Variants in SLC7A2 observed in about 807,000 individuals in gnomAD.
SLC7A2 encodes cationic amino acid transporter 2.
In SLC7A2, 48 loss-of-function variants were observed where a neutral mutation model predicts 58.9. That is an observed-to-expected ratio of 0.82 (90% CI 0.65 to 1.04). SLC7A2 has a LOEUF of 1.04. Among genes scored for constraint, SLC7A2 ranks in the 50% least tolerant of loss-of-function variants. SLC7A2 has a pLI of 0.00. For synonymous variants in SLC7A2, 363 were observed against 314.5 expected, an observed-to-expected ratio of 1.15 and a Z score of -1.63; for missense variants, 1,029 against 818.8, an observed-to-expected ratio of 1.26 and a Z score of -3.13.
At chr8:17,563,771 G>T (rs1585276681) in intron 12 of SLC7A2, 60 bp downstream of exon 12, 2 of 917,168 alleles carry the variant, frequency 2.2e-6, no homozygotes, top group Non-Finnish European at 1.8e-6. Flanking sequence ...AGAGAAACAT[G>T]CCCTCTCCCC....
intron 7 of SLC7A2, 134 bp from the exon 8 acceptor site, chr8:17,554,426 A>G: frequency 1.5e-6 from 1 of 670,760 alleles, no homozygotes; most frequent in South Asian, 4.9e-5. Flanking sequence ...ATAATGACAT[A>G]ATTATTAATA....
intron 2 of SLC7A2, among the ~76,000 whole-genome samples, chr8:17,515,932 AT>A (rs1046181183): frequency 3.3e-5 from 5 of 152,096 alleles, no homozygotes; most frequent in African/African-American, 1.2e-4. Flanking sequence ...GGAGATTTGC[AT>A]TTTATTGGAT....
In SLC7A2 at chr8:17,551,899, G is replaced by C. The variant is rs559533670; in HGVS notation, c.968G>C (p.Ser323Thr). ...MMPYYLLDEK[S>T]PLPVAFEYVG... Reference sequence around the variant, plus strand: ...CCGTACTACCTCCTCGATGAAAAAAGCCCCCTTCCTGTAGCGTTTGAATAT... The same window carrying C: ...CCGTACTACCTCCTCGATGAAAAAACCCCCCTTCCTGTAGCGTTTGAATAT... Residue 323 changes from serine to threonine, a missense_variant, in exon 7 of 13, where the codon AGC becomes ACC. Ser to Thr is a moderately conservative substitution (Grantham distance 58). Coordinates refer to ENST00000494857, the MANE Select transcript of SLC7A2 (RefSeq NM_001370338.1). 1 of 1,613,870 alleles carries C rather than the reference G, an allele frequency of 6.2e-7. No individual in the cohort carries two copies.
chr8:17,543,572 C>A lies in SLC7A2; in HGVS notation c.233C>A (p.Ala78Asp). The change falls in exon 3 of 13, where the codon GCT becomes GAT. Residue 78 changes from alanine (A) to aspartate (D), a missense_variant. Transcript: ENST00000494857. ...IVVSFLIAAL[A>D]SVMAGLCYAE... ...GTGTCCTTCCTCATTGCTGCCCTGGCTTCAGTGATGGCTGGCCTCTGCTAT... is the reference window on the plus strand; with the variant it reads ...GTGTCCTTCCTCATTGCTGCCCTGGATTCAGTGATGGCTGGCCTCTGCTAT... The A allele has an allele frequency of 6.2e-7, 1 of 1,611,162 alleles. No homozygotes were observed. The highest frequency in any genetic ancestry group is 1.1e-5 in the South Asian group (1 of 90,540).
In SLC7A2 at chr8:17,544,520, T is replaced by C; in HGVS notation, c.446T>C (p.Phe149Ser). 2 of 1,614,048 alleles carry C rather than the reference T, an allele frequency of 1.2e-6. No homozygotes were observed. Among genetic ancestry groups the C allele is most frequent in the Middle Eastern group, 1.6e-4 (1 of 6,062 alleles). The change falls in exon 4 of 13, where the codon TTT becomes TCT. Residue 149 changes from phenylalanine (F) to serine (S), a missense_variant. Phe to Ser is a radical substitution (Grantham distance 155, BLOSUM62 -2). Transcript: ENST00000494857. ...CTTCTTAGCAAACAGATTGGTCAGT[T>C]TTTGAGGACATACTTCAGAATGAAT... Reference protein sequence around the residue: ...DELLSKQIGQFLRTYFRMNYT... With the variant: ...DELLSKQIGQSLRTYFRMNYT...
upstream of SLC7A2, among the ~76,000 whole-genome samples, chr8:17,495,218 G>T (rs966337369): frequency 6.6e-6 from 1 of 152,054 alleles, no homozygotes; most frequent in Non-Finnish European, 1.5e-5. Flanking sequence ...CAGGGCAACC[G>T]CCCTGAGCCA....
intron 2 of SLC7A2, among the ~76,000 whole-genome samples, chr8:17,519,331 G>A (rs970098883): frequency 6.6e-6 from 1 of 152,206 alleles, no homozygotes; most frequent in South Asian, 2.1e-4. Flanking sequence ...AGTAGCAGCA[G>A]AAGTAAGTTA....
intron 2 of SLC7A2, among the ~76,000 whole-genome samples, chr8:17,530,573 ATTTT>A (rs11389186): frequency 4.3e-5 from 6 of 140,456 alleles, no homozygotes; most frequent in Middle Eastern, 3.7e-3. Flanking sequence ...GAGTAAATAG[ATTTT>A]TTTTTTTTTT....
At position 17,509,123 on chromosome 8, in the gene SLC7A2, G is replaced by A. The variant is rs140655028; in HGVS notation, c.-23+6821G>A. ...CTGTAATTGAAAGTTCGAGTCATCT[G>A]TTTAAAGAATGGGCCTTTCCTTCAT... is the stretch of plus-strand genomic sequence containing the variant. On this transcript the variant is annotated intron_variant, in intron 2 of 12. Transcript: ENST00000494857. Among the ~76,000 whole-genome samples the A allele has an allele frequency of 8.4e-4, 128 of 152,204 alleles. 1 individual carries two copies. In the Middle Eastern group the frequency reaches 0.014, roughly 16 times the overall value.
chr8:17,515,668 G>T (rs7007605), intron 2 of SLC7A2, among the ~76,000 whole-genome samples: 2 of 151,930 alleles, frequency 1.3e-5, no homozygotes, highest in African/African-American at 4.8e-5. Context: ...TTGCTGTAAT[G>T]TACCTACCCA....
intron 2 of SLC7A2, among the ~76,000 whole-genome samples, chr8:17,534,562 A>G (rs1302722863): frequency 6.6e-6 from 1 of 152,114 alleles, no homozygotes; most frequent in East Asian, 1.9e-4. Context: ...CATGCCAAAT[A>G]TTACTCTGTT....
intron 2 of SLC7A2, among the ~76,000 whole-genome samples, chr8:17,541,740 C>G (rs1481845816): frequency 6.6e-6 from 1 of 152,064 alleles, no homozygotes; most frequent in Non-Finnish European, 1.5e-5. Flanking sequence ...TCATTGGAGA[C>G]AAATTAGAAA....
rs760384782 is a variant in SLC7A2 at position 17,544,457 on chromosome 8, C to A, written c.383C>A (p.Ser128Ter). ...TCTGTTCTGTTTTGGGAAGGTACAT[C>A]AAGTGTTGCAAGAGCCTGGAGTGGC... ...NLILSYVIGT[S>*]SVARAWSGTF... Residue 128 changes from serine (S) to a stop codon, truncating the protein, a stop_gained, in exon 4 of 13, where the codon TCA (serine) becomes TAA (stop). Transcript: ENST00000494857. LOFTEE classifies it high-confidence loss of function. 1 of 1,613,822 alleles carries A rather than the reference C, an allele frequency of 6.2e-7. No individual in the cohort carries two copies. Among genetic ancestry groups the A allele is most frequent in the Non-Finnish European group, 8.5e-7 (1 of 1,179,868 alleles).
At chr8:17,505,346 C>G (rs953225953) in intron 2 of SLC7A2, among the ~76,000 whole-genome samples, 1 of 152,270 alleles carries the variant, frequency 6.6e-6, no homozygotes, top group Non-Finnish European at 1.5e-5. Context: ...GGTCATGCAT[C>G]CTTTCCTCTT....
intron 2 of SLC7A2, among the ~76,000 whole-genome samples, chr8:17,515,413 A>G (rs575514360): frequency 1.3e-5 from 2 of 151,532 alleles, no homozygotes; most frequent in South Asian, 4.2e-4. Flanking sequence ...CTCCTGCCTC[A>G]GCCTCCTGAG....
At chr8:17,496,077 T>C (rs771860363), upstream of SLC7A2, among the ~76,000 whole-genome samples, 7 of 152,224 alleles carry the variant, frequency 4.6e-5, no homozygotes, top group Non-Finnish European at 1.0e-4. Flanking sequence ...AGTAGGTGGG[T>C]TAAAGGGACG....
intron 2 of SLC7A2, 71 bp from the exon 3 acceptor site, chr8:17,543,247 C>G: frequency 7.1e-7 from 1 of 1,401,042 alleles, no homozygotes; most frequent in Non-Finnish European, 9.8e-7. Context: ...CTAATTGTGC[C>G]TGGAAGCTAG....
rs182469778 is a variant in SLC7A2, at chr8:17,515,198, G to A, written c.-23+12896G>A. On this transcript the variant is annotated intron_variant, in intron 2 of 12. Transcript: ENST00000494857. Reference sequence around the variant, plus strand: ...AGTATGTAATGGTGTGATACACCCGGTACTTTTCCAAAGTCATCAATAATG... The same window carrying A: ...AGTATGTAATGGTGTGATACACCCGATACTTTTCCAAAGTCATCAATAATG... Among the ~76,000 whole-genome samples, 722 of 152,122 alleles carry A rather than the reference G, an allele frequency of 4.7e-3. 9 individuals carry two copies. Among genetic ancestry groups the A allele is most frequent in the African/African-American group, 0.016 (661 of 41,490 alleles).
rs1337784862 is a variant in SLC7A2 at position 17,569,403 on chromosome 8, G to T, written c.*4257G>T. ...TCTGCACACTTTACTTGTTTATAAA[G>T]TTCTCCCACATGTCCTTAAATATCA... On this transcript the variant is annotated 3_prime_UTR_variant, in exon 13 of 13. Transcript: ENST00000494857. The T allele has an allele frequency of 6.6e-6, 1 of 152,144 alleles. No individual in the cohort carries two copies. The highest frequency in any genetic ancestry group is 1.5e-5 in the Non-Finnish European group (1 of 68,022). 9.4% of individuals were successfully genotyped at this position (152,144 alleles called of 1,614,324 possible).
Sources: allele counts gnomAD v4.1 joint callset (sites outside exome capture counted in the v4.1 genomes callset), GRCh38; gene constraint gnomAD v4.1.1; transcripts MANE v1.5; gene names NCBI Gene and HGNC (gene_info 2026-07-23, HGNC 2026-07-21).